Variants in EXT2 observed in about 807,000 individuals in gnomAD.
EXT2 encodes the protein exostosin-2.
EXT2 carries 53 observed loss-of-function variants against 81.6 expected under a neutral mutation model. That is an observed-to-expected ratio of 0.65 (90% CI 0.52 to 0.82). The LOEUF (loss-of-function observed/expected upper bound fraction) is 0.82. Ranked by LOEUF, EXT2 falls within the 40% of genes least tolerant of loss-of-function variation. The probability of loss-of-function intolerance (pLI) is 0.00; values close to 1 mark genes in which losing one functional copy is unlikely to be tolerated. For synonymous variants in EXT2, 320 were observed against 340.0 expected (o/e 0.94, Z 0.65); for missense variants, 774 against 910.2 (o/e 0.85, Z 1.93).
At chr11:44,229,128 G>A (rs774202396) in intron 10 of EXT2, among the ~76,000 whole-genome samples, 1 of 152,084 alleles carries the variant, frequency 6.6e-6, no homozygotes, top group African/African-American at 2.4e-5. Context: ...AGTGATCATG[G>A]CATTGGTGTG....
intron 10 of EXT2, among the ~76,000 whole-genome samples, chr11:44,213,652 A>G (rs1249992517): frequency 6.6e-6 from 1 of 152,212 alleles, no homozygotes; most frequent in Non-Finnish European, 1.5e-5. Flanking sequence ...GAACTTGAAG[A>G]TAAATCAATA....
chr11:44,184,630 G>GGTCC (rs1201169040), intron 8 of EXT2, among the ~76,000 whole-genome samples: 1 of 152,024 alleles, frequency 6.6e-6, no homozygotes, highest in African/African-American at 2.4e-5. Flanking sequence ...GGGCGCCTGT[G>GGTCC]GTCCTAGCTA....
intron 1 of EXT2, chr11:44,096,187 C>T (rs1953892537): frequency 6.8e-7 from 1 of 1,466,164 alleles, no homozygotes; most frequent in Non-Finnish European, 9.2e-7. Flanking sequence ...CCGCCCTCCG[C>T]CGTGACCCCT....
chr11:44,175,490 T>C (rs1955146994), intron 8 of EXT2, among the ~76,000 whole-genome samples: 1 of 152,110 alleles, frequency 6.6e-6, no homozygotes, highest in Non-Finnish European at 1.5e-5. Flanking sequence ...CTCTGTGCCT[T>C]TGTGGCTGCT....
At chr11:44,121,048 T>G (rs1351048295) in intron 4 of EXT2, among the ~76,000 whole-genome samples, 1 of 152,226 alleles carries the variant, frequency 6.6e-6, no homozygotes, top group Non-Finnish European at 1.5e-5. Flanking sequence ...ACAGCCAGCA[T>G]GCAAGCAAGG....
chr11:44,236,507 G>A, intron 13 of EXT2, 132 bp downstream of exon 13: 1 of 817,630 alleles, frequency 1.2e-6, no homozygotes, highest in South Asian at 1.4e-5. Context: ...TGTGCACTGT[G>A]GGAATTGGGT....
intron 1 of EXT2, chr11:44,096,082 C>T (rs2134931660): frequency 1.4e-6 from 1 of 691,962 alleles, no homozygotes; most frequent in Admixed American, 2.0e-5. Context: ...TCTCCTCCGG[C>T]GGCGGCCGCG....
intron 10 of EXT2, among the ~76,000 whole-genome samples, chr11:44,211,520 G>A (rs1955648187): frequency 1.3e-5 from 2 of 152,088 alleles, no homozygotes; most frequent in Admixed American, 1.3e-4. Flanking sequence ...CTAGAGGGCA[G>A]GCACAAAAAG....
At position 44,130,157 on chromosome 11, in the gene EXT2, G is replaced by A. The variant is rs1380604560; in HGVS notation, c.1173+19G>A. The stretch of plus-strand genomic sequence containing the variant: ...GAGACAGGTAAGAGGCCAAGTCTTG[G>A]GGAGGTGACATGGGTGGTACCGAAA... On this transcript the variant is annotated intron_variant, in intron 7 of 13. Coordinates refer to ENST00000533608, the MANE Select transcript of EXT2 (RefSeq NM_207122.2). 6.2e-7 allele frequency: 1 copy of A among 1,601,010 alleles called. No homozygotes were observed. Among genetic ancestry groups the A allele is most frequent in the African/African-American group, 1.3e-5 (1 of 74,668 alleles).
chr11:44,194,430 C>A (rs1377233038), intron 8 of EXT2, among the ~76,000 whole-genome samples: 1 of 152,038 alleles, frequency 6.6e-6, no homozygotes, highest in Non-Finnish European at 1.5e-5. Context: ...TCTGGAGTTC[C>A]CCACACTTGA....
At chr11:44,229,892 A>G (rs1462382105) in intron 10 of EXT2, among the ~76,000 whole-genome samples, 1 of 152,230 alleles carries the variant, frequency 6.6e-6, no homozygotes, top group Non-Finnish European at 1.5e-5. Flanking sequence ...ATGTTGTTGC[A>G]TACCAGGCAC....
Position 44,136,612 on chromosome 11 carries a change from A to G in EXT2, c.1173+6474A>G, listed in dbSNP as rs186965984. On this transcript the variant is annotated intron_variant, in intron 7 of 13. Transcript: ENST00000533608. ...TGGAAAAGGTTTCACTCTAATTTCC[A>G]GTATCAGTGTTATAATGTCTACCAT... is the stretch of plus-strand genomic sequence containing the variant. Among the ~76,000 whole-genome samples, 187 of 152,362 alleles carry G rather than the reference A, an allele frequency of 1.2e-3. 1 individual carries two copies. The highest frequency in any genetic ancestry group is 4.4e-3 in the African/African-American group (181 of 41,580).
chr11:44,170,978 T>G (rs533899433), intron 7 of EXT2, among the ~76,000 whole-genome samples: 1 of 152,340 alleles, frequency 6.6e-6, no homozygotes, highest in East Asian at 1.9e-4. Flanking sequence ...AAAGAGAGAA[T>G]GGTTTCCACC....
At position 44,171,658 on chromosome 11, in the gene EXT2, C is replaced by G. The variant is rs1315721028; in HGVS notation, c.1221C>G (p.Ala407=). The change falls in exon 8 of 14, where the codon GCC becomes GCG. Residue 407 remains alanine (A), a synonymous_variant. Coordinates refer to ENST00000533608, the MANE Select transcript of EXT2 (RefSeq NM_207122.2). ...EAYFQSIKAI[A]LATLQIINDR... ...ACTTCCAGTCAATTAAAGCCATTGC[C>G]CTGGCCACCCTGCAGATTATCAATG... 2 of 1,614,118 alleles carry G rather than the reference C, an allele frequency of 1.2e-6. No homozygotes were observed. The highest frequency in any genetic ancestry group is 3.3e-5 in the Admixed American group (2 of 60,022).
At chr11:44,122,019 C>T (rs1432638206) in intron 4 of EXT2, among the ~76,000 whole-genome samples, 4 of 152,098 alleles carry the variant, frequency 2.6e-5, no homozygotes, top group Admixed American at 1.3e-4. Flanking sequence ...ATACTCTATG[C>T]CCTTCTGCCT....
intron 10 of EXT2, among the ~76,000 whole-genome samples, chr11:44,223,647 G>C (rs1955805678): frequency 6.6e-6 from 1 of 150,790 alleles, no homozygotes; most frequent in Non-Finnish European, 1.5e-5. Flanking sequence ...AGACAGTTGT[G>C]TGTCTTTTTT....
In EXT2 at chr11:44,238,176, T is replaced by C. The variant is rs549359489; in HGVS notation, c.2018+1801T>C. 4.6e-5 allele frequency among the ~76,000 whole-genome samples: 7 copies of C among 152,268 alleles called. No homozygotes were observed. In the South Asian group the frequency reaches 6.2e-4, roughly 14 times the overall value. The stretch of plus-strand genomic sequence containing the variant: ...GAGTAACTAAGGGAGATATGGAGGC[T>C]TCCTCTTTGGAAGATCTTTTTTATT... On this transcript the variant is annotated intron_variant, in intron 13 of 13. Coordinates refer to ENST00000533608, the MANE Select transcript of EXT2 (RefSeq NM_207122.2).
At chr11:44,102,970 A>G (rs1379097223) in intron 1 of EXT2, among the ~76,000 whole-genome samples, 1 of 151,960 alleles carries the variant, frequency 6.6e-6, no homozygotes, top group Admixed American at 6.6e-5. Flanking sequence ...ATGTGCTGGA[A>G]ATATATTCTT....
At chr11:44,236,571 T>C (rs1955967820) in intron 13 of EXT2, among the ~76,000 whole-genome samples, 196 bp downstream of exon 13, 1 of 152,176 alleles carries the variant, frequency 6.6e-6, no homozygotes, top group Non-Finnish European at 1.5e-5. Context: ...CTCACTCAAT[T>C]TGTAATGGCT....
Sources: gnomAD v4.1 joint callset for allele counts (sites outside exome capture counted in the v4.1 genomes callset) on GRCh38, gnomAD v4.1.1 for gene constraint, MANE v1.5 for transcripts, NCBI Gene and HGNC (gene_info 2026-07-23, HGNC 2026-07-21) for gene names.